GRID1: variants seen among roughly 807,000 people sequenced by gnomAD.
GRID1 encodes glutamate ionotropic receptor delta type subunit 1.
Under a neutral mutation model 98.0 loss-of-function variants are expected in GRID1, and 28 were observed. The ratio of observed to expected loss-of-function variants is 0.29; its 90% CI spans 0.21 to 0.39. The LOEUF (loss-of-function observed/expected upper bound fraction) is 0.39. Among genes scored for constraint, GRID1 ranks in the 10% least tolerant of loss-of-function variants. The probability of loss-of-function intolerance (pLI) is 1.00; values close to 1 mark genes in which losing one functional copy is unlikely to be tolerated. For missense variants in GRID1, 1,111 were observed against 1,340.5 expected, an observed-to-expected ratio of 0.83 and a Z score of 2.67; for synonymous variants, 553 against 538.5, an observed-to-expected ratio of 1.03 and a Z score of -0.37.
intron 3 of GRID1, among the ~76,000 whole-genome samples, chr10:86,158,083 T>C (rs1845271158): frequency 6.6e-6 from 1 of 152,218 alleles, no homozygotes; most frequent in Non-Finnish European, 1.5e-5. Context: ...GCAGTGCTTC[T>C]GCTCTGACAC....
chr10:85,992,140 C>G (rs1187739030), intron 4 of GRID1, among the ~76,000 whole-genome samples: 1 of 151,884 alleles, frequency 6.6e-6, no homozygotes, highest in African/African-American at 2.4e-5. Context: ...AGGGGGCTCC[C>G]ATCTGATGGC....
intron 2 of GRID1, among the ~76,000 whole-genome samples, chr10:86,329,992 CT>C (rs1206925565): frequency 6.6e-6 from 1 of 152,154 alleles, no homozygotes; most frequent in Non-Finnish European, 1.5e-5. Flanking sequence ...GATGGGCTCC[CT>C]CCCTGCATGC....
chr10:85,617,954 C>T (rs1383536764), intron 14 of GRID1, among the ~76,000 whole-genome samples: 1 of 152,186 alleles, frequency 6.6e-6, no homozygotes, highest in African/African-American at 2.4e-5. Context: ...ACACAAAGGA[C>T]ATCTCACTCC....
chr10:86,153,693 A>G (rs1200703170), intron 3 of GRID1, among the ~76,000 whole-genome samples: 2 of 152,166 alleles, frequency 1.3e-5, no homozygotes, highest in Admixed American at 1.3e-4. Flanking sequence ...AGCAACACAG[A>G]TGGCCCAGGG....
At chr10:85,912,688 C>T (rs1193637089) in intron 5 of GRID1, among the ~76,000 whole-genome samples, 1 of 152,200 alleles carries the variant, frequency 6.6e-6, no homozygotes, top group Non-Finnish European at 1.5e-5. Context: ...ACTGAACTTC[C>T]TCCAGAGAAG....
chr10:85,780,499 A>G (rs917995303), intron 8 of GRID1, among the ~76,000 whole-genome samples: 21 of 152,216 alleles, frequency 1.4e-4, no homozygotes, highest in African/African-American at 4.1e-4. Flanking sequence ...CCTTGAGCAC[A>G]TTACTTAACC....
At chr10:86,219,785 G>A (rs993140377) in intron 2 of GRID1, among the ~76,000 whole-genome samples, 1 of 152,264 alleles carries the variant, frequency 6.6e-6, no homozygotes, top group Non-Finnish European at 1.5e-5. Context: ...GCTAACTCCA[G>A]GGGACTGTGA....
In GRID1 at chr10:85,661,169, A is replaced by AT. The variant is rs1261011218; in HGVS notation, c.1998-13773dup. ...TCCTGTTTGCCTGCTTTGAATCTGCATTTTTTTTTTTTTTTAGCCCGGGCC... is the reference window on the plus strand; with the variant it reads ...TCCTGTTTGCCTGCTTTGAATCTGCATTTTTTTTTTTTTTTTAGCCCGGGCC... On this transcript the variant is annotated intron_variant, in intron 12 of 15. Transcript: ENST00000327946. 9.3e-3 allele frequency among the ~76,000 whole-genome samples: 1,271 copies of AT among 137,062 alleles called. 6 individuals carry two copies. Among genetic ancestry groups the AT allele is most frequent in the Middle Eastern group, 0.012 (3 of 256 alleles). The allele number at this position is 137,062 out of a possible 152,430, so 89.9% of individuals were successfully genotyped here.
At chr10:85,604,821 C>A (rs761035796) in intron 15 of GRID1, among the ~76,000 whole-genome samples, 1 of 152,166 alleles carries the variant, frequency 6.6e-6, no homozygotes, top group Admixed American at 6.5e-5. Flanking sequence ...AACCGTTATA[C>A]AGTGTGTTAG....
At chr10:86,006,081 T>G (rs535499160) in intron 4 of GRID1, among the ~76,000 whole-genome samples, 2 of 152,286 alleles carry the variant, frequency 1.3e-5, no homozygotes, top group South Asian at 4.1e-4. Context: ...TATCAAAAAT[T>G]ATTATGAATC....
chr10:85,862,976 G>C (rs1211711850), intron 6 of GRID1, among the ~76,000 whole-genome samples: 1 of 152,156 alleles, frequency 6.6e-6, no homozygotes, highest in Non-Finnish European at 1.5e-5. Context: ...ATTCCCCAGC[G>C]GGGAGGGGCT....
chr10:85,729,784 G>A (rs919809671), intron 8 of GRID1, among the ~76,000 whole-genome samples, 170 bp from the exon 9 acceptor site: 4 of 152,146 alleles, frequency 2.6e-5, no homozygotes, highest in African/African-American at 9.7e-5. Context: ...TAGATATATG[G>A]TAGACAGAGT....
intron 11 of GRID1, 70 bp downstream of exon 11, chr10:85,724,282 G>T (rs1467846916): frequency 8.1e-7 from 1 of 1,234,922 alleles, no homozygotes; most frequent in East Asian, 2.4e-5. Context: ...ATGCACCTGA[G>T]AACTTTGCCA....
intron 12 of GRID1, among the ~76,000 whole-genome samples, chr10:85,661,754 G>C (rs1465635229): frequency 2.6e-5 from 4 of 152,182 alleles, no homozygotes; most frequent in Non-Finnish European, 5.9e-5. Flanking sequence ...AGTGCCTCGG[G>C]ATGAAAGGTA....
chr10:85,752,224 C>T (rs1842054909), intron 8 of GRID1, among the ~76,000 whole-genome samples: 1 of 152,188 alleles, frequency 6.6e-6, no homozygotes, highest in Non-Finnish European at 1.5e-5. Flanking sequence ...CCTGAGTTCA[C>T]AGTCTTGGAG....
chr10:85,681,329 T>C lies in GRID1; in HGVS notation c.1998-33932A>G, dbSNP rs149274396. 1.8e-3 allele frequency among the ~76,000 whole-genome samples: 280 copies of C among 152,252 alleles called. 1 individual carries two copies. Among genetic ancestry groups the C allele is most frequent in the African/African-American group, 6.4e-3 (267 of 41,534 alleles). On this transcript the variant is annotated intron_variant, in intron 12 of 15. Coordinates refer to ENST00000327946, the MANE Select transcript of GRID1 (RefSeq NM_017551.3). ...CCAACATTGCACCAACATTTTAAAATGTATTATCTATTTTTTTCTAATTCA... is the reference window on the plus strand; with the variant it reads ...CCAACATTGCACCAACATTTTAAAACGTATTATCTATTTTTTTCTAATTCA...
At chr10:86,029,077 G>T (rs1025943476) in intron 4 of GRID1, among the ~76,000 whole-genome samples, 6 of 152,094 alleles carry the variant, frequency 3.9e-5, no homozygotes, top group Non-Finnish European at 5.9e-5. Flanking sequence ...TGCAGCTCCA[G>T]CCTCTCCTCT....
chr10:86,001,706 G>T (rs1033987893), intron 4 of GRID1, among the ~76,000 whole-genome samples: 1 of 152,178 alleles, frequency 6.6e-6, no homozygotes, highest in Non-Finnish European at 1.5e-5. Context: ...AGCATTTGTG[G>T]GAGATGCCTG....
chr10:85,943,077 A>C (rs1842014704), intron 4 of GRID1, among the ~76,000 whole-genome samples: 2 of 152,168 alleles, frequency 1.3e-5, no homozygotes, highest in African/African-American at 2.4e-5. Flanking sequence ...CCAATTTTTC[A>C]ATATTTAATG....
Sources: allele counts gnomAD v4.1 joint callset (sites outside exome capture counted in the v4.1 genomes callset), GRCh38; gene constraint gnomAD v4.1.1; transcripts MANE v1.5; gene names NCBI Gene and HGNC (gene_info 2026-07-23, HGNC 2026-07-21).